Variants in GRXCR1 observed in about 807,000 individuals in gnomAD.
The protein encoded by GRXCR1 is glutaredoxin and cysteine rich domain containing 1.
GRXCR1 carries 27 observed loss-of-function variants against 27.3 expected under a neutral mutation model. The ratio of observed to expected loss-of-function variants is 0.99; its 90% CI spans 0.73 to 1.37. The LOEUF (loss-of-function observed/expected upper bound fraction) is 1.37, where lower values mean the gene tolerates loss of function less well. Among genes scored for constraint, GRXCR1 ranks in the 40% most tolerant of loss-of-function variants. GRXCR1 has a pLI of 0.00. For missense variants in GRXCR1, 379 were observed against 354.4 expected (o/e 1.07, Z -0.56); for synonymous variants, 122 against 131.1 (o/e 0.93, Z 0.47).
Position 42,904,521 on chromosome 4 carries a change from T to C in GRXCR1, c.384+10871T>C, listed in dbSNP as rs1472604535. Among the ~76,000 whole-genome samples, 12 of 152,186 alleles carry C rather than the reference T, an allele frequency of 7.9e-5. No homozygotes were observed. In the South Asian group the frequency reaches 2.5e-3, roughly 32 times the overall value. Reference sequence around the variant, plus strand: ...TGGAGGGAGATGACCTGGTTTCAGATGCAGTCTAACTTTTCCTAGTTGTTT... The same window carrying C: ...TGGAGGGAGATGACCTGGTTTCAGACGCAGTCTAACTTTTCCTAGTTGTTT... On this transcript the variant is annotated intron_variant, in intron 1 of 3. Transcript: ENST00000399770.
chr4:43,006,430 G>A (rs577795411), intron 2 of GRXCR1, among the ~76,000 whole-genome samples: 2 of 152,278 alleles, frequency 1.3e-5, no homozygotes, highest in African/African-American at 4.8e-5. Flanking sequence ...ACATCCCTGG[G>A]AAAGAGAATA....
intron 1 of GRXCR1, among the ~76,000 whole-genome samples, chr4:42,910,165 T>G (rs1746689000): frequency 6.6e-6 from 1 of 152,026 alleles, no homozygotes; most frequent in Non-Finnish European, 1.5e-5. Flanking sequence ...TCACGAGAAC[T>G]CACTATCACC....
intron 2 of GRXCR1, among the ~76,000 whole-genome samples, chr4:42,985,057 G>A: frequency 6.6e-6 from 1 of 152,138 alleles, no homozygotes; most frequent in African/African-American, 2.4e-5. Context: ...TCTGTTGGCT[G>A]GGGTTCAAGG....
chr4:42,945,012 T>C (rs1210012429), intron 1 of GRXCR1, among the ~76,000 whole-genome samples: 1 of 152,040 alleles, frequency 6.6e-6, no homozygotes, highest in Non-Finnish European at 1.5e-5. Context: ...AGGAGGTGAA[T>C]CCTTTAGGAG....
At chr4:43,022,565 G>A (rs1713128966) in intron 3 of GRXCR1, among the ~76,000 whole-genome samples, 1 of 152,158 alleles carries the variant, frequency 6.6e-6, no homozygotes, top group South Asian at 2.1e-4. Flanking sequence ...ACTGTTATAG[G>A]AACTCTGCGG....
At chr4:43,026,074 G>C (rs981901404) in intron 3 of GRXCR1, among the ~76,000 whole-genome samples, 1 of 151,632 alleles carries the variant, frequency 6.6e-6, no homozygotes, top group Non-Finnish European at 1.5e-5. Context: ...CTAATAATTA[G>C]TAATATTATT....
chr4:42,973,518 AGTATT>A (rs1748435658), intron 2 of GRXCR1, among the ~76,000 whole-genome samples: 1 of 151,616 alleles, frequency 6.6e-6, no homozygotes, highest in Non-Finnish European at 1.5e-5. Flanking sequence ...ACCACACTCC[AGTATT>A]CGTTTCTTAT....
At chr4:42,949,928 T>G (rs78251530) in intron 1 of GRXCR1, among the ~76,000 whole-genome samples, 2,490 of 152,306 alleles carry the variant, frequency 0.016, 35 homozygotes, top group Non-Finnish European at 0.027. Flanking sequence ...TAACTTCTCT[T>G]CATCACACTG....
chr4:42,906,501 C>T (rs1376386821), intron 1 of GRXCR1, among the ~76,000 whole-genome samples: 1 of 152,130 alleles, frequency 6.6e-6, no homozygotes, highest in African/African-American at 2.4e-5. Context: ...CCAGTCACCT[C>T]AGGGGCTCCA....
intron 1 of GRXCR1, among the ~76,000 whole-genome samples, chr4:42,944,194 G>A (rs1747691651): frequency 6.6e-6 from 1 of 151,990 alleles, no homozygotes; most frequent in African/African-American, 2.4e-5. Flanking sequence ...TACAGGGTCT[G>A]GTAGAAGATG....
chr4:42,927,695 C>T (rs2109754555), intron 1 of GRXCR1, among the ~76,000 whole-genome samples: 1 of 151,894 alleles, frequency 6.6e-6, no homozygotes, highest in African/African-American at 2.4e-5. Flanking sequence ...AATAATTCTG[C>T]TAAGATCTTT....
chr4:42,980,134 T>G (rs1437062464), intron 2 of GRXCR1, among the ~76,000 whole-genome samples: 1 of 151,988 alleles, frequency 6.6e-6, no homozygotes, highest in Non-Finnish European at 1.5e-5. Flanking sequence ...TTGTCTCTAT[T>G]TCATTTATTT....
intron 1 of GRXCR1, among the ~76,000 whole-genome samples, chr4:42,904,213 C>A (rs1389328058): frequency 6.6e-6 from 1 of 152,182 alleles, no homozygotes; most frequent in Non-Finnish European, 1.5e-5. Flanking sequence ...CCATGTGCTA[C>A]ACTGATGCTG....
At chr4:42,956,254 T>C (rs1421095431) in intron 1 of GRXCR1, among the ~76,000 whole-genome samples, 1 of 152,068 alleles carries the variant, frequency 6.6e-6, no homozygotes, top group Non-Finnish European at 1.5e-5. Context: ...AGGTCGGCTC[T>C]CTCAGAGCTG....
At chr4:42,958,806 A>T (rs35050207) in intron 1 of GRXCR1, among the ~76,000 whole-genome samples, 4,886 of 152,100 alleles carry the variant, frequency 0.032, 86 homozygotes, top group African/African-American at 0.047. Flanking sequence ...CAAGAGAGAT[A>T]TATAAAAGTG....
intron 1 of GRXCR1, among the ~76,000 whole-genome samples, chr4:42,954,673 G>T (rs574729232): frequency 5.3e-5 from 8 of 152,158 alleles, no homozygotes; most frequent in African/African-American, 1.7e-4. Flanking sequence ...TTTATAATTT[G>T]TGTCTTATAG....
intron 1 of GRXCR1, among the ~76,000 whole-genome samples, chr4:42,955,084 C>T (rs1257989378): frequency 6.6e-6 from 1 of 152,054 alleles, no homozygotes; most frequent in Admixed American, 6.6e-5. Context: ...GCCGCATGTG[C>T]CTGCTATTTA....
chr4:43,004,983 TC>T (rs1226391656), intron 2 of GRXCR1, among the ~76,000 whole-genome samples: 3 of 152,096 alleles, frequency 2.0e-5, no homozygotes, highest in Admixed American at 2.0e-4. Context: ...TGGCTCTGTG[TC>T]CCCACCCAAA....
chr4:42,967,429 CT>C (rs1453328970), intron 2 of GRXCR1, among the ~76,000 whole-genome samples: 2 of 151,900 alleles, frequency 1.3e-5, no homozygotes, highest in Non-Finnish European at 2.9e-5. Flanking sequence ...TTTATCTATT[CT>C]TTTACTAACT....
Sources: gnomAD v4.1 joint callset for allele counts (sites outside exome capture counted in the v4.1 genomes callset) on GRCh38, gnomAD v4.1.1 for gene constraint, MANE v1.5 for transcripts, NCBI Gene and HGNC (gene_info 2026-07-23, HGNC 2026-07-21) for gene names.